The following RBFOX1 variants were observed in gnomAD, a reference collection of about 807,000 sequenced individuals.
RBFOX1 encodes RNA binding fox-1 homolog 1.
Under a neutral mutation model 57.7 loss-of-function variants are expected in RBFOX1, and 8 were observed. The ratio of observed to expected loss-of-function variants is 0.14; its 90% CI spans 0.08 to 0.25. The LOEUF (loss-of-function observed/expected upper bound fraction) is 0.25, where lower values mean the gene tolerates loss of function less well. Ranked by LOEUF, RBFOX1 falls within the 10% of genes least tolerant of loss-of-function variation. The probability of loss-of-function intolerance (pLI) is 1.00; values close to 1 mark genes in which losing one functional copy is unlikely to be tolerated. For synonymous variants in RBFOX1, 326 were observed against 222.4 expected, an observed-to-expected ratio of 1.47 and a Z score of -4.15; for missense variants, 611 against 548.5, an observed-to-expected ratio of 1.11 and a Z score of -1.14.
Position 6,451,473 on chromosome 16 carries a change from C to A in RBFOX1, c.-64+134416C>A, listed in dbSNP as rs547494247. On this transcript the variant is annotated intron_variant, in intron 2 of 15. Coordinates refer to ENST00000550418, the MANE Select transcript of RBFOX1 (RefSeq NM_018723.4). ...AGATGCAAGGAGACAGAGAGACTCACTCGGGCCAAAATCCAGTTGCTCAAC... is the reference window on the plus strand; with the variant it reads ...AGATGCAAGGAGACAGAGAGACTCAATCGGGCCAAAATCCAGTTGCTCAAC... Among the ~76,000 whole-genome samples, 15 of 152,270 alleles carry A rather than the reference C, an allele frequency of 9.9e-5. No individual in the cohort carries two copies. In the South Asian group the frequency reaches 1.9e-3, roughly 19 times the overall value.
At chr16:7,451,813 C>T (rs1270117887) in intron 4 of RBFOX1, among the ~76,000 whole-genome samples, 7 of 152,068 alleles carry the variant, frequency 4.6e-5, no homozygotes, top group Non-Finnish European at 8.8e-5. Context: ...GCCAGCCCTC[C>T]TTCTCACCTC....
At chr16:7,133,875 A>T (rs1397259987) in intron 4 of RBFOX1, among the ~76,000 whole-genome samples, 2 of 152,230 alleles carry the variant, frequency 1.3e-5, no homozygotes, top group African/African-American at 4.8e-5. Context: ...GCTAATCCAA[A>T]AAATATACAG....
At chr16:7,090,645 T>A (rs1314343704) in intron 4 of RBFOX1, among the ~76,000 whole-genome samples, 1 of 152,126 alleles carries the variant, frequency 6.6e-6, no homozygotes. Flanking sequence ...TCGTTGTATT[T>A]TATTTTCCCT....
chr16:7,336,344 T>C (rs1039665916), intron 4 of RBFOX1, among the ~76,000 whole-genome samples: 4 of 152,232 alleles, frequency 2.6e-5, no homozygotes, highest in Admixed American at 6.5e-5. Context: ...ATCTACCTCA[T>C]AGATATGCCC....
At chr16:7,493,033 C>G (rs1302825946) in intron 4 of RBFOX1, among the ~76,000 whole-genome samples, 1 of 152,186 alleles carries the variant, frequency 6.6e-6, no homozygotes, top group Non-Finnish European at 1.5e-5. Flanking sequence ...TGCCTGCCAC[C>G]ACACCCGGCT....
At chr16:6,394,960 A>G (rs960567493) in intron 2 of RBFOX1, among the ~76,000 whole-genome samples, 3 of 152,222 alleles carry the variant, frequency 2.0e-5, no homozygotes, top group African/African-American at 4.8e-5. Context: ...CTTCTCTCCA[A>G]TAAATATTAT....
chr16:6,796,892 G>A (rs1191711687), intron 3 of RBFOX1, among the ~76,000 whole-genome samples: 2 of 152,138 alleles, frequency 1.3e-5, no homozygotes, highest in African/African-American at 2.4e-5. Context: ...TTTGTTAAAT[G>A]TACCTATGTC....
chr16:5,362,444 C>T (rs2065579420), intron 1 of RBFOX1, among the ~76,000 whole-genome samples: 1 of 152,228 alleles, frequency 6.6e-6, no homozygotes. Context: ...CTCACCGCAA[C>T]CTCTGCCTCC....
chr16:6,447,893 C>T (rs1384268456), intron 2 of RBFOX1, among the ~76,000 whole-genome samples: 1 of 152,074 alleles, frequency 6.6e-6, no homozygotes, highest in African/African-American at 2.4e-5. Context: ...AGGACTTGTT[C>T]AAGGGAGTGA....
At chr16:7,304,699 C>G (rs559284006) in intron 4 of RBFOX1, among the ~76,000 whole-genome samples, 7 of 152,154 alleles carry the variant, frequency 4.6e-5, no homozygotes, top group Non-Finnish European at 8.8e-5. Context: ...ACTTTAAAAC[C>G]GCCTGATGCC....
At chr16:5,372,370 C>G (rs2065879196) in intron 1 of RBFOX1, among the ~76,000 whole-genome samples, 1 of 152,122 alleles carries the variant, frequency 6.6e-6, no homozygotes, top group Admixed American at 6.6e-5. Context: ...GGAGTGAGGT[C>G]TATGTATTGG....
intron 4 of RBFOX1, among the ~76,000 whole-genome samples, chr16:7,498,971 C>A (rs1355645008): frequency 1.3e-5 from 2 of 152,170 alleles, no homozygotes; most frequent in Non-Finnish European, 2.9e-5. Flanking sequence ...TGTTGCATTT[C>A]TATCACTGGA....
intron 14 of RBFOX1, chr16:7,693,241 C>A: frequency 7.8e-7 from 1 of 1,288,612 alleles, no homozygotes; most frequent in Non-Finnish European, 1.1e-6. Flanking sequence ...CTCATCTGTA[C>A]ACATCGAAGC....
At chr16:5,503,195 G>A (rs1166778055) in intron 2 of RBFOX1, among the ~76,000 whole-genome samples, 2 of 152,178 alleles carry the variant, frequency 1.3e-5, no homozygotes, top group African/African-American at 4.8e-5. Flanking sequence ...CTGTGCCACA[G>A]TGTCCTCCTC....
At chr16:7,677,015 T>C (rs2073477597) in intron 14 of RBFOX1, among the ~76,000 whole-genome samples, 177 bp downstream of exon 14, 1 of 152,020 alleles carries the variant, frequency 6.6e-6, no homozygotes, top group African/African-American at 2.4e-5. Flanking sequence ...GGCAAATGCT[T>C]CAGCCAATTC....
At chr16:7,130,477 C>G (rs1034484000) in intron 4 of RBFOX1, among the ~76,000 whole-genome samples, 1 of 152,172 alleles carries the variant, frequency 6.6e-6, no homozygotes, top group African/African-American at 2.4e-5. Context: ...TCATCTCTGT[C>G]TCACTCATTG....
intron 1 of RBFOX1, among the ~76,000 whole-genome samples, chr16:6,298,791 G>A (rs887150592): frequency 1.3e-5 from 2 of 152,186 alleles, no homozygotes; most frequent in Non-Finnish European, 2.9e-5. Context: ...TTACATATTT[G>A]TTGGATGCAA....
At chr16:6,759,481 G>C (rs879756302) in intron 3 of RBFOX1, among the ~76,000 whole-genome samples, 5,167 of 58,694 alleles carry the variant, frequency 0.088, 131 homozygotes, top group Middle Eastern at 0.23. Flanking sequence ...GTCTGTGTGT[G>C]TGTGTGTGTG....
chr16:6,568,630 A>G (rs541182552), intron 2 of RBFOX1, among the ~76,000 whole-genome samples: 62 of 152,252 alleles, frequency 4.1e-4, no homozygotes, highest in African/African-American at 1.5e-3. Flanking sequence ...GTTCATTCTC[A>G]TGTATCTTAT....
Sources: allele counts gnomAD v4.1 joint callset (sites outside exome capture counted in the v4.1 genomes callset), GRCh38; gene constraint gnomAD v4.1.1; transcripts MANE v1.5; gene names NCBI Gene and HGNC (gene_info 2026-07-23, HGNC 2026-07-21).